NRG3: variants seen among roughly 807,000 people sequenced by gnomAD.
NRG3 encodes the protein neuregulin 3.
In NRG3, 31 loss-of-function variants were observed where a neutral mutation model predicts 66.9. That is an observed-to-expected ratio of 0.46 (90% CI 0.35 to 0.63). The LOEUF is 0.63. NRG3 is among the 20% of genes least tolerant of loss of function. The probability of loss-of-function intolerance (pLI) is 0.00; values close to 1 mark genes in which losing one functional copy is unlikely to be tolerated. For synonymous variants in NRG3, 393 were observed against 359.4 expected, an observed-to-expected ratio of 1.09 and a Z score of -1.06; for missense variants, 910 against 878.9, an observed-to-expected ratio of 1.04 and a Z score of -0.45.
At position 82,103,057 on chromosome 10, in the gene NRG3, C is replaced by T. The variant is rs192871263; in HGVS notation, c.823+226894C>T. Among the ~76,000 whole-genome samples the T allele has an allele frequency of 6.4e-3, 979 of 152,198 alleles. 7 individuals carry two copies. The highest frequency in any genetic ancestry group is 0.01 in the Admixed American group (157 of 15,284). On this transcript the variant is annotated intron_variant, in intron 1 of 8. Transcript: ENST00000372141. ...TTGAGGAATTATTTCAGACTATCTT[C>T]ATCTGAGAATATCTTTATTTTATCT...
intron 1 of NRG3, among the ~76,000 whole-genome samples, chr10:82,109,841 C>T (rs943656014): frequency 6.6e-6 from 1 of 151,670 alleles, no homozygotes; most frequent in Non-Finnish European, 1.5e-5. Flanking sequence ...CTAAAGAACA[C>T]AGTTTCACAG....
chr10:81,969,112 G>A (rs2059834972), intron 1 of NRG3, among the ~76,000 whole-genome samples: 1 of 152,112 alleles, frequency 6.6e-6, no homozygotes, highest in Admixed American at 6.5e-5. Flanking sequence ...ATTATGAGGG[G>A]TAAGAGAAGG....
chr10:82,853,643 T>C (rs1375548779), intron 3 of NRG3, among the ~76,000 whole-genome samples: 3 of 152,130 alleles, frequency 2.0e-5, no homozygotes, highest in Non-Finnish European at 4.4e-5. Context: ...TTTGTGTACA[T>C]TAATTTTGTA....
At position 82,957,499 on chromosome 10, in the gene NRG3, G is replaced by GT. The variant is rs1850166903; in HGVS notation, c.1158-1448dup. Among the ~76,000 whole-genome samples, 3 of 151,918 alleles carry GT rather than the reference G, an allele frequency of 2.0e-5. No individual in the cohort carries two copies. In the South Asian group the frequency reaches 6.2e-4, roughly 31 times the overall value. ...TCAGAATCAAAATGGAGTCATTTGT[G>GT]TTAAAAACCCTGACAAATAGAGCCG... On this transcript the variant is annotated intron_variant, in intron 5 of 8. Transcript: ENST00000372141.
At chr10:82,022,092 T>C (rs76968020) in intron 1 of NRG3, among the ~76,000 whole-genome samples, 5 of 152,174 alleles carry the variant, frequency 3.3e-5, no homozygotes, top group Admixed American at 1.3e-4. Flanking sequence ...TAAAATTTTA[T>C]TGAGCACATA....
At chr10:81,958,531 G>A (rs1462773562) in intron 1 of NRG3, among the ~76,000 whole-genome samples, 1 of 152,102 alleles carries the variant, frequency 6.6e-6, no homozygotes, top group Non-Finnish European at 1.5e-5. Context: ...TGTGCCCAAG[G>A]GAGCAAAGAT....
chr10:82,007,621 G>T (rs771323581), intron 1 of NRG3, among the ~76,000 whole-genome samples: 1 of 151,996 alleles, frequency 6.6e-6, no homozygotes, highest in Non-Finnish European at 1.5e-5. Context: ...TTTATTTATT[G>T]ATTTTCTTAG....
chr10:82,382,465 A>C (rs535104430), intron 2 of NRG3, among the ~76,000 whole-genome samples: 29 of 151,986 alleles, frequency 1.9e-4, no homozygotes, highest in Non-Finnish European at 3.5e-4. Flanking sequence ...GAAAGGCACA[A>C]ATTTTTGTAT....
intron 1 of NRG3, among the ~76,000 whole-genome samples, chr10:82,083,439 C>T (rs935079389): frequency 5.3e-5 from 8 of 152,066 alleles, no homozygotes; most frequent in Admixed American, 1.3e-4. Context: ...ACAGATGGCT[C>T]ATACCTGGGG....
chr10:82,923,475 C>A (rs1378863206), intron 4 of NRG3, among the ~76,000 whole-genome samples: 1 of 152,226 alleles, frequency 6.6e-6, no homozygotes, highest in Non-Finnish European at 1.5e-5. Flanking sequence ...TTGGAAAAAT[C>A]TGCGAGAGCA....
At chr10:81,976,704 C>A (rs1417478157) in intron 1 of NRG3, among the ~76,000 whole-genome samples, 1 of 152,164 alleles carries the variant, frequency 6.6e-6, no homozygotes, top group Non-Finnish European at 1.5e-5. Context: ...TGTTCTAAGG[C>A]GTCCAGAGCA....
At chr10:82,757,545 A>T (rs1591428134) in intron 3 of NRG3, among the ~76,000 whole-genome samples, 1 of 152,150 alleles carries the variant, frequency 6.6e-6, no homozygotes, top group East Asian at 1.9e-4. Context: ...AGCCTGGGAT[A>T]AACCTGATAT....
intron 1 of NRG3, among the ~76,000 whole-genome samples, chr10:82,357,722 C>T (rs965193453): frequency 6.6e-6 from 1 of 152,154 alleles, no homozygotes; most frequent in Admixed American, 6.5e-5. Context: ...GCCCCATCTT[C>T]AAATATCATC....
rs190482645 is a variant in NRG3 at position 82,885,593 on chromosome 10, A to G, written c.1054+20156A>G. Among the ~76,000 whole-genome samples, 516 of 152,346 alleles carry G rather than the reference A, an allele frequency of 3.4e-3. 1 individual carries two copies. The highest frequency in any genetic ancestry group is 5.1e-3 in the Non-Finnish European group (344 of 68,030). Reference sequence around the variant, plus strand: ...CAAATATAAATTTTGTCCTATGTCAATACAGATCTTCAAAAAAATAAAATA... The same window carrying G: ...CAAATATAAATTTTGTCCTATGTCAGTACAGATCTTCAAAAAAATAAAATA... On this transcript the variant is annotated intron_variant, in intron 4 of 8. Coordinates refer to ENST00000372141, the MANE Select transcript of NRG3 (RefSeq NM_001010848.4).
intron 1 of NRG3, among the ~76,000 whole-genome samples, chr10:82,236,230 A>G (rs557863925): frequency 1.3e-5 from 2 of 152,272 alleles, no homozygotes; most frequent in South Asian, 2.1e-4. Flanking sequence ...ACCTTCCAGT[A>G]CTGTAGTAGG....
chr10:82,023,984 C>G (rs914558084), intron 1 of NRG3, among the ~76,000 whole-genome samples: 1 of 152,000 alleles, frequency 6.6e-6, no homozygotes, highest in Non-Finnish European at 1.5e-5. Flanking sequence ...AGGTCTTGGG[C>G]TTTTCTTTGA....
At chr10:82,376,176 T>G (rs577024080) in intron 2 of NRG3, among the ~76,000 whole-genome samples, 104 of 152,272 alleles carry the variant, frequency 6.8e-4, no homozygotes, top group Non-Finnish European at 1.3e-3. Flanking sequence ...GCGTCTGGCC[T>G]TATCTAGCAA....
rs540605310 is a variant in NRG3 at position 81,950,022 on chromosome 10, A to G, written c.823+73859A>G. On this transcript the variant is annotated intron_variant, in intron 1 of 8. Coordinates refer to ENST00000372141, the MANE Select transcript of NRG3 (RefSeq NM_001010848.4). ...CCAGGGGACTCTGGAAATTAACCAG[A>G]AGCCCTCCTGCTCGAAGACCAACTC... Among the ~76,000 whole-genome samples, 7 of 152,296 alleles carry G rather than the reference A, an allele frequency of 4.6e-5. No homozygotes were observed. In the South Asian group the frequency reaches 1.2e-3, roughly 27 times the overall value.
chr10:82,824,884 C>T (rs960939822), intron 3 of NRG3, among the ~76,000 whole-genome samples: 1 of 151,748 alleles, frequency 6.6e-6, no homozygotes, highest in Non-Finnish European at 1.5e-5. Context: ...GCCCAGCTAA[C>T]TTATTTGCTT....
Sources: gnomAD v4.1 joint callset for allele counts (sites outside exome capture counted in the v4.1 genomes callset) on GRCh38, gnomAD v4.1.1 for gene constraint, MANE v1.5 for transcripts, NCBI Gene and HGNC (gene_info 2026-07-23, HGNC 2026-07-21) for gene names.